Variants in TPO observed in about 807,000 individuals in gnomAD.
TPO encodes the protein thyroid peroxidase, also known as thyroid microsomal antigen.
A neutral mutation model predicts 96.9 loss-of-function variants in TPO; 78 were observed. That is an observed-to-expected ratio of 0.81 (90% CI 0.67 to 0.97). TPO has a LOEUF of 0.97. Ranked by LOEUF, TPO falls within the 50% of genes least tolerant of loss-of-function variation. The probability of loss-of-function intolerance (pLI) is 0.00; values close to 1 mark genes in which losing one functional copy is unlikely to be tolerated. For synonymous variants in TPO, 547 were observed against 538.0 expected, an observed-to-expected ratio of 1.02 and a Z score of -0.23; for missense variants, 1,252 against 1,274.8, an observed-to-expected ratio of 0.98 and a Z score of 0.27.
chr2:1,477,503 G>T lies in TPO; in HGVS notation c.1237G>T (p.Glu413Ter). The T allele has an allele frequency of 6.5e-7, 1 of 1,531,720 alleles. No homozygotes were observed. Among genetic ancestry groups the T allele is most frequent in the Non-Finnish European group, 8.7e-7 (1 of 1,144,502 alleles). The allele number at this position is 1,531,720 out of a possible 1,614,324, so 94.9% of individuals were successfully genotyped here. The change falls in exon 8 of 17, where the codon GAG (glutamate) becomes TAG (stop). Residue 413 changes from glutamate (E) to a stop codon, truncating the protein, a stop_gained. Coordinates refer to ENST00000329066, the MANE Select transcript of TPO (RefSeq NM_001206744.2). LOFTEE classifies it high-confidence loss of function. ...GGCACTGCACACGCTGTGGCTGCGC[G>T]AGCACAACCGCCTGGCCGCGGCGCT... The part of the protein sequence containing the change: ...LTALHTLWLR[E>*]HNRLAAALKA...
chr2:1,496,202 A>C lies in TPO; in HGVS notation c.2215+5A>C, dbSNP rs13431282. On this transcript the variant is annotated splice_donor_5th_base_variant and intron_variant, in intron 12 of 16. Transcript: ENST00000329066. ...GGAGGGAAACCTTTCCTCAAGGTGA[A>C]GTTCGGTCTCCTCTCACACCACGTT... 8.9e-3 allele frequency: 14,357 copies of C among 1,613,410 alleles called. 1,086 individuals carry two copies. The African/African-American group carries it at 0.17, about 19-fold the overall frequency.
rs1230413376 is a variant in TPO, at chr2:1,531,566, ACCCCCACACTCTGTGCAACCGCCCCATAT to A, written c.2619-9022_2619-8994del. Among the ~76,000 whole-genome samples the A allele has an allele frequency of 5.6e-5, 3 of 53,204 alleles. No homozygotes were observed. The East Asian group carries it at 1.9e-3, about 34-fold the overall frequency. 34.9% of individuals were successfully genotyped at this position (53,204 alleles called of 152,430 possible). Reference sequence around the variant, plus strand: ...CTCCCACTCTGTGCAAACTCCCCAAACCCCCACACTCTGTGCAACCGCCCCATATCCCCCCCACTCTGTGCAACCTCCCC... The same window carrying A: ...CTCCCACTCTGTGCAAACTCCCCAAACCCCCCCACTCTGTGCAACCTCCCC... On this transcript the variant is annotated intron_variant, in intron 15 of 16. Transcript: ENST00000329066.
intron 7 of TPO, among the ~76,000 whole-genome samples, chr2:1,459,985 G>T (rs2148612422): frequency 6.6e-6 from 1 of 151,544 alleles, no homozygotes; most frequent in East Asian, 1.9e-4. Flanking sequence ...GCCCAGGCTG[G>T]AGTGTAGTGG....
At chr2:1,483,605 G>A (rs866165819) in intron 8 of TPO, among the ~76,000 whole-genome samples, 4 of 152,228 alleles carry the variant, frequency 2.6e-5, no homozygotes, top group African/African-American at 9.6e-5. Flanking sequence ...CGATGAAGTC[G>A]TGCAACTGCT....
At chr2:1,439,187 C>T in intron 5 of TPO, 1 of 259,428 alleles carries the variant, frequency 3.9e-6, no homozygotes, top group Non-Finnish European at 7.4e-6. Context: ...GCTGGGCGGG[C>T]TCCACTGACG....
chr2:1,492,568 C>A (rs1168825749), intron 10 of TPO, among the ~76,000 whole-genome samples: 2 of 152,224 alleles, frequency 1.3e-5, no homozygotes, highest in African/African-American at 4.8e-5. Flanking sequence ...AGTCTGTTTA[C>A]CACATGGGCA....
chr2:1,534,703 AGTGTGCAACCTCCTCAATTCCCTCTAGT>A (rs1558433763), intron 15 of TPO, among the ~76,000 whole-genome samples: 8 of 120,072 alleles, frequency 6.7e-5, no homozygotes, highest in African/African-American at 9.8e-5. Context: ...TCCCCCACAC[AGTGTGCAACCTCCTCAATTCCCTCTAGT>A]GTGTGCAACC....
chr2:1,406,875 C>A (rs1662257066), intron 1 of TPO, among the ~76,000 whole-genome samples: 1 of 152,186 alleles, frequency 6.6e-6, no homozygotes, highest in Admixed American at 6.5e-5. Context: ...TTGTTTGGAC[C>A]AGATCATTAT....
chr2:1,530,811 G>T (rs56358445), intron 15 of TPO, among the ~76,000 whole-genome samples: 95,175 of 95,190 alleles, frequency 1, 47,582 homozygotes, highest in Middle Eastern at 1. Context: ...CCGACTGTGT[G>T]CAACCTCCTG....
At chr2:1,493,654 A>G (rs1672028642) in intron 10 of TPO, 148 bp from the exon 11 acceptor site, 2 of 912,218 alleles carry the variant, frequency 2.2e-6, no homozygotes, top group African/African-American at 3.4e-5. Context: ...GGAATATCCT[A>G]GCCTGGCAAA....
At chr2:1,479,790 TTC>T (rs1491289460) in intron 8 of TPO, among the ~76,000 whole-genome samples, 22 of 129,434 alleles carry the variant, frequency 1.7e-4, no homozygotes, top group African/African-American at 4.8e-4. Flanking sequence ...CTCCTTCTTC[TTC>T]TTTTTTTTTG....
At chr2:1,501,250 G>A (rs13383329) in intron 13 of TPO, among the ~76,000 whole-genome samples, 3,350 of 152,354 alleles carry the variant, frequency 0.022, 107 homozygotes, top group African/African-American at 0.075. Context: ...CTCACTGCGC[G>A]TGGAGATGTG....
At chr2:1,475,289 G>T (rs181591856) in intron 7 of TPO, among the ~76,000 whole-genome samples, 2 of 152,166 alleles carry the variant, frequency 1.3e-5, no homozygotes, top group South Asian at 2.1e-4. Flanking sequence ...CGGCTGTCAC[G>T]GTTTTCTTGG....
At chr2:1,483,209 CCT>C (rs1558342196) in intron 8 of TPO, among the ~76,000 whole-genome samples, 1 of 152,202 alleles carries the variant, frequency 6.6e-6, no homozygotes, top group East Asian at 1.9e-4. Context: ...GCGCAGGTTT[CCT>C]CTCTGTTAAC....
At chr2:1,541,049 C>A (rs571315551) in intron 16 of TPO, 1 of 1,284,780 alleles carries the variant, frequency 7.8e-7, no homozygotes, top group Non-Finnish European at 1.0e-6. Flanking sequence ...GAAGCAAAAC[C>A]CTGACTTTTA....
Position 1,469,898 on chromosome 2 carries a change from C to T in TPO, c.820-7188C>T, listed in dbSNP as rs561437431. 2.6e-5 allele frequency among the ~76,000 whole-genome samples: 4 copies of T among 152,248 alleles called. No individual in the cohort carries two copies. The East Asian group carries it at 7.7e-4, about 29-fold the overall frequency. Reference sequence around the variant, plus strand: ...GGCTTTCCTAATGTATTCCTGCCGTCGTTCTGGAGCAAAAGTTCACGACGT... The same window carrying T: ...GGCTTTCCTAATGTATTCCTGCCGTTGTTCTGGAGCAAAAGTTCACGACGT... On this transcript the variant is annotated intron_variant, in intron 7 of 16. Transcript: ENST00000329066.
chr2:1,471,728 G>C (rs2148654757), intron 7 of TPO, among the ~76,000 whole-genome samples: 1 of 152,244 alleles, frequency 6.6e-6, no homozygotes, highest in East Asian at 1.9e-4. Flanking sequence ...TGTGTGTAGG[G>C]GAAAGGGGGC....
At chr2:1,531,344 C>A (rs1319642702) in intron 15 of TPO, among the ~76,000 whole-genome samples, 3 of 103,720 alleles carry the variant, frequency 2.9e-5, no homozygotes, top group Admixed American at 9.6e-5. Context: ...ATCCCTCCCA[C>A]TGTGTGCAGC....
chr2:1,401,790 G>A (rs1662176298), intron 1 of TPO, among the ~76,000 whole-genome samples: 1 of 152,186 alleles, frequency 6.6e-6, no homozygotes. Flanking sequence ...ACTCTAGCCT[G>A]CAAAGCCACT....
Sources: gnomAD v4.1 joint callset for allele counts (sites outside exome capture counted in the v4.1 genomes callset) on GRCh38, gnomAD v4.1.1 for gene constraint, MANE v1.5 for transcripts, NCBI Gene and HGNC (gene_info 2026-07-23, HGNC 2026-07-21) for gene names.